DIP2C: variants seen among roughly 807,000 people sequenced by gnomAD.
DIP2C encodes the protein disco-interacting protein 2 homolog C.
Under a neutral mutation model 192.4 loss-of-function variants are expected in DIP2C, and 33 were observed. That is an observed-to-expected ratio of 0.17 (90% CI 0.13 to 0.23). The LOEUF is 0.23. Ranked by LOEUF, DIP2C falls within the 10% of genes least tolerant of loss-of-function variation. DIP2C has a pLI of 1.00. For synonymous variants in DIP2C, 979 were observed against 864.1 expected, an observed-to-expected ratio of 1.13 and a Z score of -2.33; for missense variants, 1,537 against 2,110.1, an observed-to-expected ratio of 0.73 and a Z score of 5.32.
intron 3 of DIP2C, among the ~76,000 whole-genome samples, chr10:466,030 A>G (rs960549106): frequency 2.0e-5 from 3 of 151,744 alleles, no homozygotes; most frequent in African/African-American, 7.3e-5. Flanking sequence ...CAGAATTGGA[A>G]AAAACTACTT....
chr10:281,178 A>G (rs1174256694), intron 36 of DIP2C, 22 bp downstream of exon 36: 1 of 1,611,958 alleles, frequency 6.2e-7, no homozygotes, highest in East Asian at 2.2e-5. Context: ...ATTTGGGTAC[A>G]AGCTGCAAGC....
At chr10:680,174 A>C (rs959038074) in intron 1 of DIP2C, among the ~76,000 whole-genome samples, 2 of 152,084 alleles carry the variant, frequency 1.3e-5, no homozygotes, top group African/African-American at 4.8e-5. Context: ...CCTGGCACAG[A>C]CTCCTCAGGA....
rs1960717320 is a variant in DIP2C, at chr10:369,638, A to G, written c.1992-5T>C. Reference sequence around the variant, plus strand: ...TGGTTACTGTCATCCGTGGGCCTGTAATGACAGTTTTTAACTTGAATATGC... The same window carrying G: ...TGGTTACTGTCATCCGTGGGCCTGTGATGACAGTTTTTAACTTGAATATGC... On this transcript the variant is annotated splice_polypyrimidine_tract_variant and splice_region_variant and intron_variant, in intron 17 of 36. Coordinates refer to ENST00000280886, the MANE Select transcript of DIP2C (RefSeq NM_014974.3). 6.2e-7 allele frequency: 1 copy of G among 1,614,108 alleles called. No homozygotes were observed. The highest frequency in any genetic ancestry group is 2.2e-5 in the East Asian group (1 of 44,878).
At chr10:581,681 C>G (rs1023673552) in intron 1 of DIP2C, among the ~76,000 whole-genome samples, 1 of 152,156 alleles carries the variant, frequency 6.6e-6, no homozygotes, top group Admixed American at 6.5e-5. Context: ...GCTGCACACA[C>G]AGGATGCAGG....
chr10:476,034 G>A (rs1042470671), intron 2 of DIP2C, among the ~76,000 whole-genome samples: 1 of 152,242 alleles, frequency 6.6e-6, no homozygotes, highest in African/African-American at 2.4e-5. Context: ...TTGGGGAACT[G>A]TGATTGAAAA....
intron 22 of DIP2C, among the ~76,000 whole-genome samples, chr10:360,694 C>T (rs918397175): frequency 6.6e-6 from 1 of 152,180 alleles, no homozygotes; most frequent in African/African-American, 2.4e-5. Flanking sequence ...TTTTGTAACT[C>T]TGTAATATTT....
intron 1 of DIP2C, among the ~76,000 whole-genome samples, chr10:551,853 C>G (rs1236856038): frequency 6.6e-6 from 1 of 152,220 alleles, no homozygotes; most frequent in Admixed American, 6.5e-5. Context: ...CTGTGGACTC[C>G]CCTAGGCCGC....
In DIP2C at chr10:349,377, C is replaced by T. The variant is rs148323741; in HGVS notation, c.3063G>A (p.Arg1021=). The part of the protein sequence containing the change: ...AEKIAVMLME[R]GHLQDGDHVA... ...CGTGGTCGCCGTCCTGAAGGTGGCC[C>T]CTCTCCATCAGCATCACGGCGATCT... Residue 1021 remains arginine (R), a synonymous_variant, in exon 25 of 37, where the codon AGG becomes AGA. Coordinates refer to ENST00000280886, the MANE Select transcript of DIP2C (RefSeq NM_014974.3). The T allele has an allele frequency of 9.9e-6, 16 of 1,611,106 alleles. No homozygotes were observed. The highest frequency in any genetic ancestry group is 1.7e-5 in the Admixed American group (1 of 60,002).
chr10:656,615 G>C (rs907639502), intron 1 of DIP2C, among the ~76,000 whole-genome samples: 2 of 152,164 alleles, frequency 1.3e-5, no homozygotes, highest in Non-Finnish European at 2.9e-5. Context: ...GGGCTTTTCT[G>C]TAAGTCCTTT....
At chr10:549,965 G>C (rs1160576487) in intron 1 of DIP2C, among the ~76,000 whole-genome samples, 6 of 151,014 alleles carry the variant, frequency 4.0e-5, no homozygotes, top group Non-Finnish European at 8.8e-5. Context: ...CTACCTTCTG[G>C]AACCATGCGG....
chr10:669,050 G>C (rs1366627215), intron 1 of DIP2C: 1 of 152,086 alleles, frequency 6.6e-6, no homozygotes, highest in Non-Finnish European at 1.5e-5. Context: ...GCTGGAACGG[G>C]GTTGGTGACG....
chr10:391,032 G>T (rs535479534), intron 10 of DIP2C, among the ~76,000 whole-genome samples, 169 bp from the exon 11 acceptor site: 22 of 152,102 alleles, frequency 1.4e-4, no homozygotes, highest in Non-Finnish European at 1.3e-4. Context: ...AGACTGCATG[G>T]CCTCAGTGTC....
chr10:359,927 GCT>G (rs1247351655), intron 22 of DIP2C, among the ~76,000 whole-genome samples: 3 of 152,194 alleles, frequency 2.0e-5, no homozygotes, highest in Non-Finnish European at 2.9e-5. Context: ...GGCTGATGAA[GCT>G]CTGAGCCTTC....
At chr10:619,095 T>C (rs1382910699) in intron 1 of DIP2C, among the ~76,000 whole-genome samples, 1 of 152,096 alleles carries the variant, frequency 6.6e-6, no homozygotes, top group Non-Finnish European at 1.5e-5. Flanking sequence ...ATACCTTCAG[T>C]TATGTGAGGA....
intron 1 of DIP2C, among the ~76,000 whole-genome samples, chr10:661,510 G>A (rs1409135123): frequency 2.6e-5 from 4 of 152,128 alleles, no homozygotes; most frequent in African/African-American, 9.7e-5. Flanking sequence ...GGCTCCCCTC[G>A]CTGCCTCCAG....
At chr10:601,725 T>G (rs1223480967) in intron 1 of DIP2C, among the ~76,000 whole-genome samples, 1 of 152,098 alleles carries the variant, frequency 6.6e-6, no homozygotes, top group Non-Finnish European at 1.5e-5. Flanking sequence ...CCTGCCAGCA[T>G]CTCAGGGCCA....
intron 4 of DIP2C, among the ~76,000 whole-genome samples, chr10:433,831 TA>T (rs1229896596): frequency 1.3e-5 from 2 of 152,240 alleles, no homozygotes; most frequent in Non-Finnish European, 2.9e-5. Flanking sequence ...TGAAAGTGAG[TA>T]ATGATATACA....
chr10:319,734 A>G (rs1293033235), intron 31 of DIP2C, among the ~76,000 whole-genome samples: 3 of 152,360 alleles, frequency 2.0e-5, no homozygotes, highest in East Asian at 3.9e-4. Context: ...AAATTCTTTT[A>G]AAGTCATTTT....
chr10:658,059 G>C (rs1490137496), intron 1 of DIP2C, among the ~76,000 whole-genome samples: 1 of 151,818 alleles, frequency 6.6e-6, no homozygotes, highest in Non-Finnish European at 1.5e-5. Context: ...ACCTGTCCCT[G>C]GACCTGACGC....
Sources: gnomAD v4.1 joint callset for allele counts (sites outside exome capture counted in the v4.1 genomes callset) on GRCh38, gnomAD v4.1.1 for gene constraint, MANE v1.5 for transcripts, NCBI Gene and HGNC (gene_info 2026-07-23, HGNC 2026-07-21) for gene names.